Variants in DYSF observed in about 807,000 individuals in gnomAD.
DYSF encodes the protein dysferlin, also known as dystrophy-associated fer-1-like 1.
Under a neutral mutation model 274.9 loss-of-function variants are expected in DYSF, and 212 were observed. The ratio of observed to expected loss-of-function variants is 0.77; its 90% CI spans 0.69 to 0.86. The LOEUF (loss-of-function observed/expected upper bound fraction) is 0.86. Ranked by LOEUF, DYSF falls within the 40% of genes least tolerant of loss-of-function variation. The pLI is 0.00. For synonymous variants in DYSF, 1,091 were observed against 1,078.7 expected (o/e 1.01, Z -0.22); for missense variants, 2,666 against 2,783.2 (o/e 0.96, Z 0.95).
chr2:71,632,334 C>T (rs2094328677), intron 41 of DYSF, among the ~76,000 whole-genome samples: 1 of 152,124 alleles, frequency 6.6e-6, no homozygotes, highest in African/African-American at 2.4e-5. Context: ...GCAACAAGTT[C>T]AAAATATAAA....
In DYSF at chr2:71,538,537, C is replaced by T. The variant is rs1264620076; in HGVS notation, c.1494-620C>T. Among the ~76,000 whole-genome samples the T allele has an allele frequency of 2.0e-5, 3 of 152,176 alleles. No individual in the cohort carries two copies. In the East Asian group the frequency reaches 5.8e-4, roughly 29 times the overall value. ...GGGCAAGTACCTACATGGCTTTAAG[C>T]CTCAGTTTCCTCATGGGTGCAACAG... is the stretch of plus-strand genomic sequence containing the variant. On this transcript the variant is annotated intron_variant, in intron 16 of 55. Transcript: ENST00000410020.
chr2:71,595,377 T>A (rs1312646531), intron 32 of DYSF, among the ~76,000 whole-genome samples: 1 of 152,178 alleles, frequency 6.6e-6, no homozygotes, highest in Non-Finnish European at 1.5e-5. Flanking sequence ...AGCACTGGAC[T>A]AGGAGTCAGG....
chr2:71,590,118 C>A, intron 31 of DYSF, 93 bp from the exon 32 acceptor site: 1 of 1,298,508 alleles, frequency 7.7e-7, no homozygotes, highest in Non-Finnish European at 1.1e-6. Flanking sequence ...GTCTGCTGCC[C>A]TTTCTAGGGA....
chr2:71,520,757 C>A, intron 11 of DYSF, 32 bp from the exon 12 acceptor site: 1 of 1,602,676 alleles, frequency 6.2e-7, no homozygotes, highest in South Asian at 1.1e-5. Context: ...TCTTCTGATT[C>A]TGGGATCACC....
intron 41 of DYSF, among the ~76,000 whole-genome samples, chr2:71,627,133 CTTCTT>C (rs1412838975): frequency 6.6e-6 from 1 of 150,772 alleles, no homozygotes; most frequent in African/African-American, 2.4e-5. Context: ...AATTTATTAA[CTTCTT>C]TTCTTCTATT....
At chr2:71,543,116 C>T (rs1326189869) in intron 17 of DYSF, among the ~76,000 whole-genome samples, 6 of 150,996 alleles carry the variant, frequency 4.0e-5, no homozygotes, top group South Asian at 2.1e-4. Context: ...GGGCGGCTGC[C>T]GGGCGGAGGG....
chr2:71,668,553 C>T (rs1376887719), intron 48 of DYSF, among the ~76,000 whole-genome samples: 1 of 152,216 alleles, frequency 6.6e-6, no homozygotes, highest in Non-Finnish European at 1.5e-5. Context: ...GACCCCCAGG[C>T]ACAGGCCCAA....
Position 71,492,498 on chromosome 2 carries a change from G to A in DYSF, c.239+10528G>A, listed in dbSNP as rs577002294. Among the ~76,000 whole-genome samples the A allele has an allele frequency of 1.6e-4, 25 of 152,200 alleles. 1 individual carries two copies. Among genetic ancestry groups the A allele is most frequent in the South Asian group, 1.5e-3 (7 of 4,820 alleles). ...ACATATATAGTTTTAATTGGCATGC[G>A]CTTTTCTTCATTTCAAAGAAAGAAT... On this transcript the variant is annotated intron_variant, in intron 3 of 55. Coordinates refer to ENST00000410020, the MANE Select transcript of DYSF (RefSeq NM_001130987.2).
chr2:71,614,291 C>A (rs929417815), intron 40 of DYSF, among the ~76,000 whole-genome samples: 2 of 152,208 alleles, frequency 1.3e-5, no homozygotes, highest in African/African-American at 2.4e-5. Context: ...CTGGGGCTCC[C>A]AGAACTTCTG....
At chr2:71,466,649 G>T (rs939978232), upstream of DYSF, 1 of 1,309,628 alleles carries the variant, frequency 7.6e-7, no homozygotes, top group Non-Finnish European at 9.7e-7. Flanking sequence ...GGGAGGGTCC[G>T]CCCAGCGGGT....
At chr2:71,651,723 A>G (rs2094665781) in intron 42 of DYSF, among the ~76,000 whole-genome samples, 1 of 152,204 alleles carries the variant, frequency 6.6e-6, no homozygotes, top group African/African-American at 2.4e-5. Flanking sequence ...TATAAATATC[A>G]TCTATGACAT....
intron 30 of DYSF, among the ~76,000 whole-genome samples, chr2:71,584,276 G>A (rs868580249): frequency 6.6e-5 from 10 of 152,272 alleles, no homozygotes; most frequent in African/African-American, 2.4e-4. Context: ...TGGGAGCAGA[G>A]GCAAAGCGGC....
At chr2:71,609,017 C>G (rs1376486510) in intron 36 of DYSF, among the ~76,000 whole-genome samples, 1 of 151,412 alleles carries the variant, frequency 6.6e-6, no homozygotes, top group Non-Finnish European at 1.5e-5. Flanking sequence ...GGGCCATGAA[C>G]AGACCACAAG....
At chr2:71,465,863 A>T (rs867601294), upstream of DYSF, among the ~76,000 whole-genome samples, 1 of 152,154 alleles carries the variant, frequency 6.6e-6, no homozygotes, top group African/African-American at 2.4e-5. Flanking sequence ...AACGACTGTC[A>T]CCGTTCATGG....
chr2:71,493,492 T>C (rs1405984983), intron 3 of DYSF, among the ~76,000 whole-genome samples: 1 of 152,190 alleles, frequency 6.6e-6, no homozygotes, highest in African/African-American at 2.4e-5. Flanking sequence ...TGTGAGGGAA[T>C]AGAGCCAGCC....
intron 55 of DYSF, among the ~76,000 whole-genome samples, chr2:71,684,436 C>CT (rs2152974290): frequency 6.6e-6 from 1 of 152,328 alleles, no homozygotes; most frequent in Admixed American, 6.5e-5. Context: ...CACAGAGACT[C>CT]TAAGCACGTG....
Position 71,501,949 on chromosome 2 carries a change from T to C in DYSF, c.240-1265T>C, listed in dbSNP as rs570769119. 1.1e-4 allele frequency among the ~76,000 whole-genome samples: 17 copies of C among 152,212 alleles called. No homozygotes were observed. In the South Asian group the frequency reaches 3.3e-3, roughly 30 times the overall value. On this transcript the variant is annotated intron_variant, in intron 3 of 55. Transcript: ENST00000410020. The stretch of plus-strand genomic sequence containing the variant: ...TGCTAGATCATATGCTAATTCTAGG[T>C]TTAATTTTTTGAGTAACTGCTATGC...
At chr2:71,548,867 G>A (rs1241929958) in intron 17 of DYSF, among the ~76,000 whole-genome samples, 2 of 152,168 alleles carry the variant, frequency 1.3e-5, no homozygotes, top group Admixed American at 6.5e-5. Context: ...TGCTCGGCGC[G>A]CCTGGTCCCA....
Position 71,573,345 on chromosome 2 carries a change from A to T in DYSF, c.3229-853A>T, listed in dbSNP as rs2092588370. 1.3e-5 allele frequency among the ~76,000 whole-genome samples: 2 copies of T among 152,206 alleles called. 1 individual carries two copies. Among genetic ancestry groups the T allele is most frequent in the South Asian group, 4.1e-4 (2 of 4,834 alleles). The stretch of plus-strand genomic sequence containing the variant: ...CCTTGCCCACCACCCCACAGCCAGC[A>T]TCCTTCCTGGAGAGTGGCACAGCTG... On this transcript the variant is annotated intron_variant, in intron 29 of 55. Coordinates refer to ENST00000410020, the MANE Select transcript of DYSF (RefSeq NM_001130987.2).
Sources: gnomAD v4.1 joint callset for allele counts (sites outside exome capture counted in the v4.1 genomes callset) on GRCh38, gnomAD v4.1.1 for gene constraint, MANE v1.5 for transcripts, NCBI Gene and HGNC (gene_info 2026-07-23, HGNC 2026-07-21) for gene names.